The following OSGEPL1 variants were observed in gnomAD, a reference collection of about 807,000 sequenced individuals.
The protein encoded by OSGEPL1 is O-sialoglycoprotein endopeptidase like 1.
Under a neutral mutation model 37.2 loss-of-function variants are expected in OSGEPL1, and 26 were observed. The observed-to-expected ratio is 0.70, with a 90% CI of 0.51 to 0.97. The LOEUF is 0.97. OSGEPL1 is among the 50% of genes least tolerant of loss of function. The pLI is 0.00. For missense variants in OSGEPL1, 404 were observed against 487.0 expected, an observed-to-expected ratio of 0.83 and a Z score of 1.60; for synonymous variants, 140 against 159.9, an observed-to-expected ratio of 0.88 and a Z score of 0.94.
chr2:189,750,254 G>A (rs752549604), intron 8 of OSGEPL1, among the ~76,000 whole-genome samples: 5 of 152,162 alleles, frequency 3.3e-5, no homozygotes, highest in Non-Finnish European at 4.4e-5. Flanking sequence ...TCCTAGGCCT[G>A]TATGATACAG....
At chr2:189,750,385 C>T (rs13416709) in intron 8 of OSGEPL1, 165 bp downstream of exon 8, 5,928 of 402,304 alleles carry the variant, frequency 0.015, 331 homozygotes, top group African/African-American at 0.12. Flanking sequence ...AAGAAAAAAA[C>T]TATCTTCCCT....
At position 189,750,454 on chromosome 2, in the gene OSGEPL1, A is replaced by T. The variant is rs1454896199; in HGVS notation, c.*28+96T>A. 53 of 574,358 alleles carry T rather than the reference A, an allele frequency of 9.2e-5. No homozygotes were observed. The South Asian group carries it at 1.0e-3, about 11-fold the overall frequency. 35.6% of individuals were successfully genotyped at this position (574,358 alleles called of 1,614,324 possible). A position where few individuals can be genotyped will look rare whatever the true frequency, so the allele number is the denominator to read the frequency against. On this transcript the variant is annotated intron_variant, in intron 8 of 8. Coordinates refer to ENST00000264151, the MANE Select transcript of OSGEPL1 (RefSeq NM_022353.3). ...AGAGCAGGTAAAACATCAAATAGAAAAAAAAAAATAAAATCTTGATGAATA... is the reference window on the plus strand; with the variant it reads ...AGAGCAGGTAAAACATCAAATAGAATAAAAAAAATAAAATCTTGATGAATA...
At chr2:189,748,745 T>C (rs1479197114) in intron 8 of OSGEPL1, among the ~76,000 whole-genome samples, 1 of 152,164 alleles carries the variant, frequency 6.6e-6, no homozygotes, top group African/African-American at 2.4e-5. Context: ...TAAGTTTCTG[T>C]AGATATTTTT....
At chr2:189,757,994 G>C (rs954438024) in intron 2 of OSGEPL1, among the ~76,000 whole-genome samples, 1 of 152,178 alleles carries the variant, frequency 6.6e-6, no homozygotes, top group Non-Finnish European at 1.5e-5. Flanking sequence ...CAATGTTGAA[G>C]ATGGGGCCTG....
intron 8 of OSGEPL1, among the ~76,000 whole-genome samples, chr2:189,747,977 C>T (rs11685425): frequency 0.59 from 89,936 of 152,068 alleles, 30,140 homozygotes; most frequent in South Asian, 0.76. Context: ...TGAGCCACTG[C>T]GCCTGGCTTC....
intron 2 of OSGEPL1, among the ~76,000 whole-genome samples, chr2:189,756,275 G>A (rs1403564228): frequency 3.3e-5 from 5 of 152,106 alleles, no homozygotes; most frequent in African/African-American, 1.2e-4. Flanking sequence ...TAGGATGGTG[G>A]ATGGCCACTC....
rs555945990 is a variant in OSGEPL1, at chr2:189,762,759, A to G, written c.-95T>C. The G allele has an allele frequency of 8.1e-6, 8 of 985,514 alleles. No individual in the cohort carries two copies. In the African/African-American group the frequency reaches 8.7e-5, roughly 11 times the overall value. 61.0% of individuals were successfully genotyped at this position (985,514 alleles called of 1,614,324 possible). On this transcript the variant is annotated 5_prime_UTR_variant, in exon 1 of 9. Transcript: ENST00000264151. ...GACTGTCGACTGCCCTTATCGCTGC[A>G]GGAGAAAGCCCGAACCTGGCGCCCG... is the stretch of plus-strand genomic sequence containing the variant.
intron 8 of OSGEPL1, among the ~76,000 whole-genome samples, chr2:189,747,736 A>G (rs1282242672): frequency 6.6e-6 from 1 of 152,208 alleles, no homozygotes; most frequent in Non-Finnish European, 1.5e-5. Context: ...TCTGTCACCC[A>G]GGCTGGAGTG....
chr2:189,759,882 T>C (rs2046724082), intron 2 of OSGEPL1, among the ~76,000 whole-genome samples: 2 of 152,090 alleles, frequency 1.3e-5, no homozygotes, highest in Non-Finnish European at 2.9e-5. Flanking sequence ...GGTCTCTGGT[T>C]TTCCTAGGCA....
intron 7 of OSGEPL1, 71 bp downstream of exon 7, chr2:189,752,582 T>C (rs894101495): frequency 3.3e-6 from 5 of 1,510,268 alleles, no homozygotes; most frequent in Admixed American, 1.7e-5. Context: ...AAACCTCATA[T>C]ATAAAGGCAA....
chr2:189,752,799 A>G lies in OSGEPL1; in HGVS notation c.1094+50T>C, dbSNP rs372784064. 8.7e-6 allele frequency: 14 copies of G among 1,613,278 alleles called. No homozygotes were observed. In the South Asian group the frequency reaches 1.4e-4, roughly 16 times the overall value. The stretch of plus-strand genomic sequence containing the variant: ...AGAAGGCTTAGTATGATAAAATGGC[A>G]ATTAATATTTACATAGTTATGAGTG... On this transcript the variant is annotated intron_variant, in intron 6 of 8. Coordinates refer to ENST00000264151, the MANE Select transcript of OSGEPL1 (RefSeq NM_022353.3).
At position 189,752,277 on chromosome 2, in the gene OSGEPL1, C is replaced by T. The variant is rs537909863; in HGVS notation, c.1166+376G>A. ...TGTGTAAGAGCATAATCACAACCCA[C>T]TCTCACACCTGAATGCTTTCTGCAT... On this transcript the variant is annotated intron_variant, in intron 7 of 8. Coordinates refer to ENST00000264151, the MANE Select transcript of OSGEPL1 (RefSeq NM_022353.3). Among the ~76,000 whole-genome samples, 710 of 152,338 alleles carry T rather than the reference C, an allele frequency of 4.7e-3. 7 individuals carry two copies. Among genetic ancestry groups the T allele is most frequent in the South Asian group, 9.5e-3 (46 of 4,826 alleles).
chr2:189,754,906 A>G (rs1056134744), intron 3 of OSGEPL1: 5 of 422,948 alleles, frequency 1.2e-5, no homozygotes, highest in African/African-American at 6.3e-5. Flanking sequence ...TTTCACATAC[A>G]TTATTTGGCA....
At chr2:189,759,902 G>A (rs939544090) in intron 2 of OSGEPL1, among the ~76,000 whole-genome samples, 5 of 152,148 alleles carry the variant, frequency 3.3e-5, no homozygotes, top group African/African-American at 9.7e-5. Context: ...AGAGGACTCT[G>A]CGGCCTTCTG....
At chr2:189,762,844 C>T (rs766391228), upstream of OSGEPL1, 97 of 985,310 alleles carry the variant, frequency 9.8e-5, no homozygotes, top group Non-Finnish European at 1.2e-4. Flanking sequence ...GTTCCGCTAG[C>T]GAGCGGCATG....
Sources: gnomAD v4.1 joint callset for allele counts (sites outside exome capture counted in the v4.1 genomes callset) on GRCh38, gnomAD v4.1.1 for gene constraint, MANE v1.5 for transcripts, NCBI Gene and HGNC (gene_info 2026-07-23, HGNC 2026-07-21) for gene names.